SORCS1: variants seen among roughly 807,000 people sequenced by gnomAD.
SORCS1 encodes the protein sortilin related VPS10 domain containing receptor 1.
SORCS1 carries 60 observed loss-of-function variants against 146.1 expected under a neutral mutation model. The ratio of observed to expected loss-of-function variants is 0.41; its 90% confidence interval spans 0.33 to 0.51. SORCS1 has a LOEUF of 0.51. Among genes scored for constraint, SORCS1 ranks in the 20% least tolerant of loss-of-function variants. SORCS1 has a pLI of 0.21. For missense variants in SORCS1, 1,352 were observed against 1,487.6 expected (o/e 0.91, Z 1.50); for synonymous variants, 637 against 584.0 (o/e 1.09, Z -1.31).
At chr10:107,048,289 T>C (rs983943941) in intron 1 of SORCS1, among the ~76,000 whole-genome samples, 2 of 152,216 alleles carry the variant, frequency 1.3e-5, no homozygotes, top group Non-Finnish European at 2.9e-5. Flanking sequence ...CAGCAATACA[T>C]ATAAGTGGTG....
At chr10:106,885,290 G>T (rs1056158688) in intron 2 of SORCS1, among the ~76,000 whole-genome samples, 1 of 148,738 alleles carries the variant, frequency 6.7e-6, no homozygotes, top group Admixed American at 6.7e-5. Context: ...AAAATTGGGG[G>T]GGGGGAACTT....
At chr10:106,835,919 C>T (rs1380727313) in intron 2 of SORCS1, among the ~76,000 whole-genome samples, 2 of 150,912 alleles carry the variant, frequency 1.3e-5, no homozygotes, top group South Asian at 2.1e-4. Flanking sequence ...GCAGGAGAAT[C>T]GCTTGAACTC....
At chr10:106,663,347 C>A (rs1850880244) in intron 17 of SORCS1, among the ~76,000 whole-genome samples, 1 of 151,704 alleles carries the variant, frequency 6.6e-6, no homozygotes, top group Non-Finnish European at 1.5e-5. Context: ...TCTCTTGGGA[C>A]AAGTATTTAC....
intron 24 of SORCS1, among the ~76,000 whole-genome samples, chr10:106,593,164 G>A (rs1461467107): frequency 6.6e-6 from 1 of 151,072 alleles, no homozygotes; most frequent in Non-Finnish European, 1.5e-5. Context: ...ACTGTGGCAA[G>A]TGTGTCTCGG....
At chr10:107,072,252 G>A (rs1425513784) in intron 1 of SORCS1, among the ~76,000 whole-genome samples, 3 of 152,206 alleles carry the variant, frequency 2.0e-5, no homozygotes, top group Non-Finnish European at 4.4e-5. Flanking sequence ...GGCAAAGCAG[G>A]AAGGCTGCAG....
At chr10:106,929,320 C>A (rs1413356692) in intron 2 of SORCS1, among the ~76,000 whole-genome samples, 2 of 151,980 alleles carry the variant, frequency 1.3e-5, no homozygotes, top group Non-Finnish European at 2.9e-5. Context: ...ATCCCTGTGG[C>A]AGTTAATAGA....
chr10:106,740,281 G>C (rs1364493522), intron 5 of SORCS1, among the ~76,000 whole-genome samples: 1 of 152,114 alleles, frequency 6.6e-6, no homozygotes, highest in African/African-American at 2.4e-5. Flanking sequence ...TGTGGGTGCA[G>C]GTAAGTCACC....
At chr10:106,781,424 C>T (rs1426249415) in intron 3 of SORCS1, among the ~76,000 whole-genome samples, 1 of 152,094 alleles carries the variant, frequency 6.6e-6, no homozygotes, top group African/African-American at 2.4e-5. Flanking sequence ...GTGTGGATAT[C>T]TCTTTTGCTT....
At chr10:106,782,199 C>A (rs1300687858) in intron 3 of SORCS1, among the ~76,000 whole-genome samples, 2 of 152,104 alleles carry the variant, frequency 1.3e-5, no homozygotes, top group Non-Finnish European at 2.9e-5. Flanking sequence ...TTATTCTGTC[C>A]TTTTGATTTC....
At chr10:107,096,074 A>G (rs1964527260) in intron 1 of SORCS1, among the ~76,000 whole-genome samples, 1 of 152,164 alleles carries the variant, frequency 6.6e-6, no homozygotes, top group African/African-American at 2.4e-5. Flanking sequence ...CATATCCATT[A>G]TAAGATTACA....
chr10:106,879,639 A>G (rs1264855745), intron 2 of SORCS1, among the ~76,000 whole-genome samples: 1 of 152,222 alleles, frequency 6.6e-6, no homozygotes, highest in Admixed American at 6.5e-5. Context: ...TAAAGGCAGA[A>G]GAAAAAGAGA....
chr10:107,155,085 T>C (rs937469067), intron 1 of SORCS1, among the ~76,000 whole-genome samples: 1 of 152,212 alleles, frequency 6.6e-6, no homozygotes, highest in Non-Finnish European at 1.5e-5. Flanking sequence ...CCATGGAAGA[T>C]AATTTTTTAG....
At chr10:106,586,288 T>C (rs1450640164) in intron 24 of SORCS1, among the ~76,000 whole-genome samples, 1 of 152,220 alleles carries the variant, frequency 6.6e-6, no homozygotes, top group African/African-American at 2.4e-5. Flanking sequence ...TGATATAGCA[T>C]AGATAACCCA....
At chr10:107,134,162 CA>C (rs925162997) in intron 1 of SORCS1, among the ~76,000 whole-genome samples, 11 of 152,178 alleles carry the variant, frequency 7.2e-5, no homozygotes, top group African/African-American at 2.2e-4. Context: ...GGTTGGGGAC[CA>C]GGGGGAGTTA....
At chr10:106,959,459 G>A (rs1013425701) in intron 1 of SORCS1, among the ~76,000 whole-genome samples, 8 of 152,058 alleles carry the variant, frequency 5.3e-5, no homozygotes, top group Non-Finnish European at 8.8e-5. Flanking sequence ...GAACAACGAT[G>A]CATCCTTATG....
At chr10:106,744,561 AAG>A (rs1857584880) in intron 5 of SORCS1, among the ~76,000 whole-genome samples, 1 of 152,206 alleles carries the variant, frequency 6.6e-6, no homozygotes, top group Non-Finnish European at 1.5e-5. Flanking sequence ...CATAAGGTAT[AAG>A]AGTGCTTACA....
At chr10:106,614,592 C>T (rs1307505107) in intron 21 of SORCS1, among the ~76,000 whole-genome samples, 1 of 138,772 alleles carries the variant, frequency 7.2e-6, no homozygotes, top group Non-Finnish European at 1.5e-5. Flanking sequence ...TCACTTCTTG[C>T]TATGAAGATT....
intron 18 of SORCS1, among the ~76,000 whole-genome samples, chr10:106,649,383 C>T (rs989186495): frequency 2.0e-5 from 3 of 152,150 alleles, no homozygotes; most frequent in Non-Finnish European, 2.9e-5. Flanking sequence ...ACTGAAGAAG[C>T]GAGCAACACC....
chr10:107,038,411 A>G (rs867348885), intron 1 of SORCS1, among the ~76,000 whole-genome samples: 35 of 151,120 alleles, frequency 2.3e-4, no homozygotes, highest in South Asian at 1.5e-3. Context: ...GGGGGGGGAG[A>G]GACAGCATTA....
Sources: gnomAD v4.1 joint callset for allele counts (sites outside exome capture counted in the v4.1 genomes callset) on GRCh38, gnomAD v4.1.1 for gene constraint, MANE v1.5 for transcripts, NCBI Gene and HGNC (gene_info 2026-07-23, HGNC 2026-07-21) for gene names.